Variants in ENOX1 observed in about 807,000 individuals in gnomAD.
ENOX1 encodes candidate growth-related and time keeping constitutive hydroquinone (NADH) oxidase.
ENOX1 carries 42 observed loss-of-function variants against 82.5 expected under a neutral mutation model. The observed-to-expected ratio is 0.51, with a 90% CI of 0.40 to 0.66. The LOEUF (loss-of-function observed/expected upper bound fraction) is 0.66. Ranked by LOEUF, ENOX1 falls within the 30% of genes least tolerant of loss-of-function variation. The pLI is 0.00. For synonymous variants in ENOX1, 271 were observed against 282.2 expected (o/e 0.96, Z 0.40); for missense variants, 608 against 811.6 (o/e 0.75, Z 3.05).
chr13:43,422,761 C>G (rs1320974044), intron 3 of ENOX1, among the ~76,000 whole-genome samples: 5 of 151,956 alleles, frequency 3.3e-5, no homozygotes, highest in Non-Finnish European at 5.9e-5. Context: ...TTTCTTTTGG[C>G]ACAAAGAAAA....
intron 2 of ENOX1, among the ~76,000 whole-genome samples, chr13:43,646,016 G>C (rs971282434): frequency 6.6e-6 from 1 of 152,114 alleles, no homozygotes; most frequent in African/African-American, 2.4e-5. Context: ...GCAAAGGCTG[G>C]GCAAGTGTGC....
At chr13:43,533,177 G>A (rs1020658991) in intron 2 of ENOX1, among the ~76,000 whole-genome samples, 3 of 152,084 alleles carry the variant, frequency 2.0e-5, no homozygotes, top group Non-Finnish European at 4.4e-5. Context: ...CACCCGGTGA[G>A]TAATGACCTG....
chr13:43,477,109 C>A (rs1402400821), intron 3 of ENOX1, among the ~76,000 whole-genome samples: 1 of 150,990 alleles, frequency 6.6e-6, no homozygotes, highest in African/African-American at 2.4e-5. Flanking sequence ...ATGATCCCAT[C>A]TATGTAAACT....
intron 9 of ENOX1, among the ~76,000 whole-genome samples, chr13:43,336,460 G>C (rs1004911869): frequency 1.3e-5 from 2 of 152,234 alleles, no homozygotes; most frequent in Admixed American, 1.3e-4. Flanking sequence ...AGTGCCCTGC[G>C]CAGCTGTCTT....
intron 14 of ENOX1, among the ~76,000 whole-genome samples, chr13:43,263,512 T>C (rs1038101290): frequency 6.6e-6 from 1 of 152,218 alleles, no homozygotes; most frequent in Non-Finnish European, 1.5e-5. Flanking sequence ...ACTTTTTCCA[T>C]TGAATAATAA....
At chr13:43,702,533 T>C (rs970395284) in intron 1 of ENOX1, among the ~76,000 whole-genome samples, 2 of 152,180 alleles carry the variant, frequency 1.3e-5, no homozygotes, top group Non-Finnish European at 2.9e-5. Flanking sequence ...TTTCAGGTAA[T>C]GCTATAGTCA....
At chr13:43,605,355 T>C (rs2081932743) in intron 2 of ENOX1, among the ~76,000 whole-genome samples, 1 of 152,066 alleles carries the variant, frequency 6.6e-6, no homozygotes, top group Admixed American at 6.6e-5. Context: ...TAGCCAAAGC[T>C]ATACCAAGCA....
chr13:43,228,657 C>T (rs1208906521), intron 15 of ENOX1, among the ~76,000 whole-genome samples: 1 of 152,078 alleles, frequency 6.6e-6, no homozygotes, highest in East Asian at 1.9e-4. Flanking sequence ...TTAAATTAAC[C>T]AAATAGTGCC....
chr13:43,661,532 T>A (rs891198018), intron 2 of ENOX1, among the ~76,000 whole-genome samples: 3 of 152,192 alleles, frequency 2.0e-5, no homozygotes, highest in African/African-American at 7.2e-5. Context: ...AAGAGTAATG[T>A]TGTTAAAATG....
intron 2 of ENOX1, among the ~76,000 whole-genome samples, chr13:43,535,331 A>T (rs1241545102): frequency 1.3e-5 from 2 of 152,198 alleles, no homozygotes. Context: ...ACTCACAGAA[A>T]CACCTAGCTG....
intron 9 of ENOX1, among the ~76,000 whole-genome samples, chr13:43,344,194 C>T (rs750843147): frequency 3.9e-5 from 6 of 152,154 alleles, no homozygotes; most frequent in South Asian, 4.1e-4. Flanking sequence ...GGGGTCTGTG[C>T]GGACAGCCTG....
At chr13:43,710,120 C>T (rs1466471568) in intron 1 of ENOX1, among the ~76,000 whole-genome samples, 1 of 151,926 alleles carries the variant, frequency 6.6e-6, no homozygotes, top group Admixed American at 6.6e-5. Flanking sequence ...TCAATCACAT[C>T]CAACAGAGTA....
At chr13:43,286,275 C>T (rs879677351) in intron 12 of ENOX1, among the ~76,000 whole-genome samples, 7 of 152,162 alleles carry the variant, frequency 4.6e-5, no homozygotes, top group Non-Finnish European at 7.3e-5. Flanking sequence ...AGCAAAAGTC[C>T]GCTTTGATGT....
At chr13:43,353,200 A>T (rs1048695338) in intron 8 of ENOX1, among the ~76,000 whole-genome samples, 10 of 152,202 alleles carry the variant, frequency 6.6e-5, no homozygotes, top group African/African-American at 2.4e-4. Context: ...CAAATAGCAG[A>T]AGAAGAGAGA....
chr13:43,740,797 C>T (rs2089869878), intron 1 of ENOX1, among the ~76,000 whole-genome samples: 1 of 152,138 alleles, frequency 6.6e-6, no homozygotes, highest in Non-Finnish European at 1.5e-5. Flanking sequence ...AAGGTTCATC[C>T]TTGTTGTAGC....
intron 2 of ENOX1, among the ~76,000 whole-genome samples, chr13:43,540,774 G>A (rs1457582016): frequency 2.0e-5 from 3 of 152,154 alleles, no homozygotes; most frequent in African/African-American, 7.2e-5. Flanking sequence ...CTAATTAGAG[G>A]AGGCAAGAAT....
intron 3 of ENOX1, among the ~76,000 whole-genome samples, chr13:43,440,362 G>C (rs2056294530): frequency 6.6e-6 from 1 of 152,176 alleles, no homozygotes; most frequent in Non-Finnish European, 1.5e-5. Context: ...TGAAGAGCCA[G>C]AAATGTTAAA....
At chr13:43,761,215 T>C (rs1237411356) in intron 1 of ENOX1, among the ~76,000 whole-genome samples, 2 of 152,064 alleles carry the variant, frequency 1.3e-5, no homozygotes, top group Non-Finnish European at 2.9e-5. Context: ...TATAGAAAAA[T>C]TGAGGCAAGA....
chr13:43,694,011 T>A (rs564249088), intron 1 of ENOX1, among the ~76,000 whole-genome samples: 1 of 152,312 alleles, frequency 6.6e-6, no homozygotes, highest in East Asian at 1.9e-4. Flanking sequence ...AAGTTATTTA[T>A]AGTGACCTTT....
Sources: allele counts gnomAD v4.1 joint callset (sites outside exome capture counted in the v4.1 genomes callset), GRCh38; gene constraint gnomAD v4.1.1; transcripts MANE v1.5; gene names NCBI Gene and HGNC (gene_info 2026-07-23, HGNC 2026-07-21).